The following APOC2 variants were observed in gnomAD, a reference collection of about 807,000 sequenced individuals.
APOC2 encodes apolipoprotein C-II.
APOC2 carries 6 observed loss-of-function variants against 10.2 expected under a neutral mutation model. The ratio of observed to expected loss-of-function variants is 0.59; its 90% confidence interval spans 0.32 to 1.16. The LOEUF (loss-of-function observed/expected upper bound fraction) is 1.16. Ranked by LOEUF, APOC2 falls within the 50% of genes most tolerant of loss-of-function variation. The probability of loss-of-function intolerance (pLI) is 0.05; values close to 1 mark genes in which losing one functional copy is unlikely to be tolerated. For synonymous variants in APOC2, 56 were observed against 48.5 expected (o/e 1.15, Z -0.64); for missense variants, 110 against 117.6 (o/e 0.94, Z 0.30).
Position 44,948,808 on chromosome 19 carries a change from G to T in APOC2, c.163G>T (p.Ala55Ser), listed in dbSNP as rs750370010. ...TTACTGGGAGTCAGCAAAGACAGCC[G>T]CCCAGAACCTGTACGAGAAGACATA... Reference protein sequence around the residue: ...SSYWESAKTAAQNLYEKTYLP... With the variant: ...SSYWESAKTASQNLYEKTYLP... The change falls in exon 3 of 4, where the codon GCC (alanine) becomes TCC (serine). Residue 55 changes from alanine to serine, a missense_variant. By Grantham distance (99) the Ala-to-Ser change is moderately conservative (BLOSUM62 1). Transcript: ENST00000252490. 2 of 1,614,004 alleles carry T rather than the reference G, an allele frequency of 1.2e-6. No individual in the cohort carries two copies. Among genetic ancestry groups the T allele is most frequent in the Admixed American group, 1.7e-5 (1 of 60,012 alleles).
chr19:44,948,364 C>A, intron 1 of APOC2, 102 bp from the exon 2 acceptor site: 1 of 1,001,764 alleles, frequency 1.0e-6, no homozygotes, highest in Non-Finnish European at 1.6e-6. Context: ...ACACCGAGCT[C>A]ACACAGAGCA....
At chr19:44,947,152 G>A (rs1457225994) in intron 1 of APOC2, 8 of 87,512 alleles carry the variant, frequency 9.1e-5, no homozygotes, top group African/African-American at 2.1e-4. Context: ...ACCTTGTCTT[G>A]GAAAAAAAAA....
At chr19:44,946,793 G>A (rs1426877150) in intron 1 of APOC2, among the ~76,000 whole-genome samples, 1 of 152,118 alleles carries the variant, frequency 6.6e-6, no homozygotes, top group East Asian at 1.9e-4. Flanking sequence ...CTGTACTCTA[G>A]CCTGGGTGAC....
rs762824970 is a variant in APOC2, at chr19:44,949,204, C to G, written c.261C>G (p.Gly87=). 14 of 1,613,992 alleles carry G rather than the reference C, an allele frequency of 8.7e-6. No individual in the cohort carries two copies. The highest frequency in any genetic ancestry group is 1.6e-4 in the Middle Eastern group (1 of 6,082). ...KSTAAMSTYT[G]IFTDQVLSVL... ...CAGCAGCCATGAGCACTTACACAGG[C>G]ATTTTTACTGACCAAGTTCTTTCTG... The change falls in exon 4 of 4, where the codon GGC becomes GGG. Residue 87 remains glycine (G), a synonymous_variant. Coordinates refer to ENST00000252490, the MANE Select transcript of APOC2 (RefSeq NM_000483.5).
intron 1 of APOC2, chr19:44,948,247 AAAT>A (rs1970343481): frequency 9.9e-6 from 5 of 506,966 alleles, no homozygotes; most frequent in Non-Finnish European, 1.8e-5. Flanking sequence ...AAAAAGAAAA[AAAT>A]AATAATTAAA....
intron 1 of APOC2, chr19:44,947,153 G>GGA (rs1555793507): frequency 1.3e-4 from 19 of 148,932 alleles, no homozygotes; most frequent in Admixed American, 2.7e-4. Flanking sequence ...CCTTGTCTTG[G>GGA]AAAAAAAAAA....
At position 44,948,363 on chromosome 19, in the gene APOC2, T is replaced by A. The variant is rs5120; in HGVS notation, c.-13-103T>A. The A allele has an allele frequency of 0.55, 531,409 of 969,836 alleles. 150,351 individuals are homozygous for A. Among genetic ancestry groups the A allele is most frequent in the African/African-American group, 0.77 (48,146 of 62,452 alleles). The allele number at this position is 969,836 out of a possible 1,614,324, so 60.1% of individuals were successfully genotyped here. On this transcript the variant is annotated intron_variant, in intron 1 of 3. Transcript: ENST00000252490. ...GGGAAACTTGACTGGGACACCGAGC[T>A]CACACAGAGCAGGATCTCAGTCCCC...
At chr19:44,948,361 G>A in intron 1 of APOC2, 105 bp from the exon 2 acceptor site, 1 of 950,746 alleles carries the variant, frequency 1.1e-6, no homozygotes. Flanking sequence ...GGGACACCGA[G>A]CTCACACAGA....
rs1236986911 is a variant in APOC2, at chr19:44,946,234, T to TGTGAGAGA, written c.-14+160_-14+161insTGAGAGAG. ...GTGTGTGTGTGTGTGTGTGTGTGTG[T>TGTGAGAGA]GAGAGAGAGAGAGAGGGAGATGGAG... On this transcript the variant is annotated intron_variant, in intron 1 of 3. Transcript: ENST00000252490. 9.5e-4 allele frequency among the ~76,000 whole-genome samples: 126 copies of TGTGAGAGA among 132,898 alleles called. 1 individual carries two copies. The highest frequency in any genetic ancestry group is 3.7e-3 in the African/African-American group (124 of 33,706). 87.2% of individuals were successfully genotyped at this position (132,898 alleles called of 152,430 possible).
intron 1 of APOC2, among the ~76,000 whole-genome samples, chr19:44,947,838 G>A (rs1052845031): frequency 2.0e-5 from 3 of 152,050 alleles, no homozygotes; most frequent in African/African-American, 7.2e-5. Context: ...GGGAGGCCAA[G>A]GTGGGCGGAT....
intron 3 of APOC2, 69 bp downstream of exon 3, chr19:44,948,929 AG>A (rs1166937141): frequency 3.1e-6 from 5 of 1,596,616 alleles, no homozygotes; most frequent in Non-Finnish European, 3.4e-6. Flanking sequence ...CCAGAAGTTC[AG>A]GCCCCAGCCC....
At chr19:44,948,931 G>T (rs1970352946) in intron 3 of APOC2, 71 bp downstream of exon 3, 1 of 1,592,364 alleles carries the variant, frequency 6.3e-7, no homozygotes, top group Non-Finnish European at 8.5e-7. Context: ...AGAAGTTCAG[G>T]CCCCAGCCCC....
intron 1 of APOC2, chr19:44,948,240 A>T (rs1970343397): frequency 2.1e-6 from 1 of 467,216 alleles, no homozygotes; most frequent in Non-Finnish European, 3.9e-6. Flanking sequence ...CATCTCAAAA[A>T]AGAAAAAAAT....
intron 1 of APOC2, 107 bp from the exon 2 acceptor site, chr19:44,948,359 G>A (rs965482305): frequency 5.3e-6 from 5 of 938,916 alleles, no homozygotes; most frequent in Non-Finnish European, 8.8e-6. Flanking sequence ...CTGGGACACC[G>A]AGCTCACACA....
At chr19:44,947,948 G>A (rs1275979343) in intron 1 of APOC2, among the ~76,000 whole-genome samples, 1 of 152,176 alleles carries the variant, frequency 6.6e-6, no homozygotes, top group African/African-American at 2.4e-5. Context: ...AGGTGCTTGT[G>A]ATTCCAGCTC....
intron 3 of APOC2, 90 bp downstream of exon 3, chr19:44,948,950 C>T: frequency 5.1e-6 from 8 of 1,566,396 alleles, no homozygotes; most frequent in South Asian, 1.1e-5. Context: ...CCTCCTCCCT[C>T]AGACCCAGGA....
At position 44,949,333 on chromosome 19, in the gene APOC2, G is replaced by A; in HGVS notation, c.*84G>A. On this transcript the variant is annotated 3_prime_UTR_variant, in exon 4 of 4. Transcript: ENST00000252490. ...GTTCAGACTGAGCTCCCCCTTCCCA[G>A]TAGCTCTTGCATCCTCCTCCCAACT... 2.0e-6 allele frequency: 2 copies of A among 1,012,824 alleles called. No homozygotes were observed. The highest frequency in any genetic ancestry group is 2.0e-5 in the Admixed American group (1 of 51,182). 62.7% of individuals were successfully genotyped at this position (1,012,824 alleles called of 1,614,324 possible). A position where few individuals can be genotyped will look rare whatever the true frequency, so the allele number is the denominator to read the frequency against.
rs1389619673 is a variant in APOC2, at chr19:44,949,144, G to A, written c.216-15G>A. On this transcript the variant is annotated splice_polypyrimidine_tract_variant and intron_variant, in intron 3 of 3. Transcript: ENST00000252490. ...CAGCCCCTCCTCCCTCTAACCATCT[G>A]TGCTTTCTCCCCAGGGACTTGTACA... The A allele has an allele frequency of 1.9e-6, 3 of 1,610,998 alleles. No individual in the cohort carries two copies. The highest frequency in any genetic ancestry group is 2.5e-6 in the Non-Finnish European group (3 of 1,178,432).
At chr19:44,947,038 G>A (rs1243694172) in intron 1 of APOC2, among the ~76,000 whole-genome samples, 2 of 151,894 alleles carry the variant, frequency 1.3e-5, no homozygotes, top group Non-Finnish European at 2.9e-5. Flanking sequence ...TGTATTTCCA[G>A]TTACTCAGGA....
Sources: allele counts gnomAD v4.1 joint callset (sites outside exome capture counted in the v4.1 genomes callset), GRCh38; gene constraint gnomAD v4.1.1; transcripts MANE v1.5; gene names NCBI Gene and HGNC (gene_info 2026-07-23, HGNC 2026-07-21).